PEX5L: variants seen among roughly 807,000 people sequenced by gnomAD.
PEX5L encodes PEX5-related protein.
A neutral mutation model predicts 84.0 loss-of-function variants in PEX5L; 30 were observed. The ratio of observed to expected loss-of-function variants is 0.36; its 90% CI spans 0.27 to 0.48. The LOEUF is 0.48. PEX5L is among the 20% of genes least tolerant of loss of function. The pLI, the probability that PEX5L is intolerant of heterozygous loss-of-function variation, is 0.99. For synonymous variants in PEX5L, 270 were observed against 283.1 expected, an observed-to-expected ratio of 0.95 and a Z score of 0.46; for missense variants, 533 against 754.6, an observed-to-expected ratio of 0.71 and a Z score of 3.44.
intron 1 of PEX5L, chr3:179,973,993 CATAATGGTATTCACTCACTT>C (rs1033268012): frequency 1.0e-6 from 1 of 985,312 alleles, no homozygotes; most frequent in African/African-American, 1.7e-5. Context: ...TTTTCTAAGC[CATAATGGTATTCACTCACTT>C]ACTGCTTATT....
At chr3:179,868,050 T>C (rs1204551433) in intron 7 of PEX5L, among the ~76,000 whole-genome samples, 12 of 148,978 alleles carry the variant, frequency 8.1e-5, no homozygotes, top group East Asian at 5.8e-4. Context: ...TTCTTTTTTT[T>C]TTTTTTTTTT....
intron 1 of PEX5L, among the ~76,000 whole-genome samples, chr3:180,004,783 C>T (rs1052161910): frequency 2.0e-5 from 3 of 151,644 alleles, no homozygotes; most frequent in Non-Finnish European, 4.4e-5. Context: ...CAAATTTGAA[C>T]ATCACTAATT....
intron 1 of PEX5L, among the ~76,000 whole-genome samples, chr3:180,028,938 A>G (rs927230577): frequency 7.2e-5 from 11 of 152,194 alleles, no homozygotes; most frequent in Non-Finnish European, 1.5e-4. Context: ...TTTATAGAAC[A>G]ATTTAATATA....
Position 179,922,596 on chromosome 3 carries a change from G to A in PEX5L, c.94-24350C>T, listed in dbSNP as rs1465287870. Among the ~76,000 whole-genome samples, 13 of 151,784 alleles carry A rather than the reference G, an allele frequency of 8.6e-5. No individual in the cohort carries two copies. In the South Asian group the frequency reaches 2.3e-3, roughly 27 times the overall value. ...CCCCAGTAGCTGGGATTACAGGCACGGGCCACCATGCCTGGCTGGCTACTT... is the reference window on the plus strand; with the variant it reads ...CCCCAGTAGCTGGGATTACAGGCACAGGCCACCATGCCTGGCTGGCTACTT... On this transcript the variant is annotated intron_variant, in intron 2 of 14. Transcript: ENST00000467460.
intron 1 of PEX5L, among the ~76,000 whole-genome samples, chr3:180,024,892 C>A (rs2110523414): frequency 6.6e-6 from 1 of 152,234 alleles, no homozygotes; most frequent in South Asian, 2.1e-4. Context: ...TGACAACCAG[C>A]TGAAGTGGTG....
chr3:179,917,092 ATTTC>A (rs1425578580), intron 2 of PEX5L, among the ~76,000 whole-genome samples: 9 of 147,650 alleles, frequency 6.1e-5, no homozygotes, highest in African/African-American at 1.2e-4. Context: ...CTATTTTTAG[ATTTC>A]TTTCTTTTTC....
At chr3:179,973,529 AT>A in intron 1 of PEX5L, 1 of 961,956 alleles carries the variant, frequency 1.0e-6, no homozygotes, top group Non-Finnish European at 1.2e-6. Flanking sequence ...CCTATTTTAA[AT>A]TATATAATTT....
intron 2 of PEX5L, among the ~76,000 whole-genome samples, chr3:179,953,946 T>C (rs1779788441): frequency 6.6e-6 from 1 of 152,172 alleles, no homozygotes; most frequent in Non-Finnish European, 1.5e-5. Context: ...CAAGGTATTA[T>C]AAATATCCCC....
intron 2 of PEX5L, among the ~76,000 whole-genome samples, chr3:179,923,527 T>G (rs1048259969): frequency 3.3e-5 from 5 of 152,120 alleles, no homozygotes; most frequent in African/African-American, 1.2e-4. Flanking sequence ...CTCAAACAAT[T>G]AAATTAGAAA....
intron 2 of PEX5L, among the ~76,000 whole-genome samples, chr3:179,949,997 C>A (rs1487879144): frequency 1.3e-5 from 2 of 152,200 alleles, no homozygotes; most frequent in Non-Finnish European, 2.9e-5. Context: ...CTTCTTCCCC[C>A]ACCATCAGCC....
chr3:179,843,786 T>C (rs956595353), intron 8 of PEX5L, among the ~76,000 whole-genome samples: 6 of 152,246 alleles, frequency 3.9e-5, no homozygotes, highest in Non-Finnish European at 8.8e-5. Context: ...TGGGAAGTTA[T>C]AGGTACAGAT....
chr3:179,844,221 C>T (rs954612116), intron 8 of PEX5L, among the ~76,000 whole-genome samples: 9 of 152,146 alleles, frequency 5.9e-5, no homozygotes, highest in South Asian at 4.1e-4. Context: ...GATGCAAAGC[C>T]GTTATTTAGA....
intron 14 of PEX5L, among the ~76,000 whole-genome samples, chr3:179,805,790 AC>A (rs1721073597): frequency 6.6e-6 from 1 of 152,072 alleles, no homozygotes; most frequent in African/African-American, 2.4e-5. Context: ...TTTAAAATTT[AC>A]ACCTTAACGG....
chr3:179,973,471 T>G (rs1485067311), intron 1 of PEX5L: 4 of 969,810 alleles, frequency 4.1e-6, no homozygotes, highest in Middle Eastern at 5.3e-4. Context: ...ATCCATGCAC[T>G]TCTATGCTCT....
At chr3:179,900,898 G>A (rs1399003254) in intron 2 of PEX5L, among the ~76,000 whole-genome samples, 1 of 152,168 alleles carries the variant, frequency 6.6e-6, no homozygotes, top group Admixed American at 6.5e-5. Flanking sequence ...CATCTCCATG[G>A]TACCAGATAC....
At chr3:179,809,690 A>C (rs775086590) in intron 11 of PEX5L, 22 bp from the exon 12 acceptor site, 1 of 1,561,048 alleles carries the variant, frequency 6.4e-7, no homozygotes, top group South Asian at 1.2e-5. Flanking sequence ...AAAGAAGCCA[A>C]TTTCAGATTT....
chr3:179,854,868 A>G (rs1459073993), intron 8 of PEX5L, among the ~76,000 whole-genome samples: 2 of 152,220 alleles, frequency 1.3e-5, no homozygotes, highest in Non-Finnish European at 2.9e-5. Flanking sequence ...CAGATAAATA[A>G]ATAAAAACAA....
At chr3:179,864,163 T>A (rs1747303503) in intron 7 of PEX5L, among the ~76,000 whole-genome samples, 1 of 152,122 alleles carries the variant, frequency 6.6e-6, no homozygotes, top group Non-Finnish European at 1.5e-5. Context: ...TATGTTTTTA[T>A]CAGCAGCGGG....
chr3:179,850,413 CA>C (rs1741376672), intron 8 of PEX5L, among the ~76,000 whole-genome samples: 1 of 152,174 alleles, frequency 6.6e-6, no homozygotes, highest in Non-Finnish European at 1.5e-5. Context: ...AGGTGTGAGC[CA>C]CCGTGCCAGG....
Sources: gnomAD v4.1 joint callset for allele counts (sites outside exome capture counted in the v4.1 genomes callset) on GRCh38, gnomAD v4.1.1 for gene constraint, MANE v1.5 for transcripts, NCBI Gene and HGNC (gene_info 2026-07-23, HGNC 2026-07-21) for gene names.